The following PRICKLE1 variants were observed in gnomAD, a reference collection of about 807,000 sequenced individuals.
PRICKLE1 encodes the protein prickle planar cell polarity protein 1, also known as prickle-like protein 1.
Under a neutral mutation model 70.2 loss-of-function variants are expected in PRICKLE1, and 14 were observed. The ratio of observed to expected loss-of-function variants is 0.20; its 90% confidence interval spans 0.13 to 0.31. The LOEUF is 0.31. Among genes scored for constraint, PRICKLE1 ranks in the 10% least tolerant of loss-of-function variants. PRICKLE1 has a pLI of 1.00. For synonymous variants in PRICKLE1, 357 were observed against 379.9 expected (o/e 0.94, Z 0.70); for missense variants, 821 against 1,026.2 (o/e 0.80, Z 2.73).
chr12:42,470,452 G>T (rs777653709), intron 2 of PRICKLE1, 93 bp from the exon 3 acceptor site: 12 of 891,348 alleles, frequency 1.3e-5, no homozygotes, highest in Non-Finnish European at 2.0e-5. Flanking sequence ...TAGGTACAGG[G>T]TTTGGCCTCT....
intron 1 of PRICKLE1, among the ~76,000 whole-genome samples, chr12:42,537,509 A>C (rs1266526078): frequency 1.3e-5 from 2 of 152,156 alleles, no homozygotes; most frequent in South Asian, 4.2e-4. Context: ...ACAAAAACCC[A>C]AACCAAACAA....
intron 1 of PRICKLE1, among the ~76,000 whole-genome samples, chr12:42,496,521 A>G (rs73275845): frequency 0.053 from 8,128 of 152,242 alleles, 625 homozygotes; most frequent in African/African-American, 0.17. Flanking sequence ...GTGAGGCATC[A>G]ACTTCTCCTC....
At chr12:42,562,263 T>A (rs970882977) in intron 1 of PRICKLE1, among the ~76,000 whole-genome samples, 2 of 152,088 alleles carry the variant, frequency 1.3e-5, no homozygotes, top group Non-Finnish European at 2.9e-5. Context: ...GTTTGTGCAG[T>A]AGAAAATTAA....
At chr12:42,505,054 ACT>A (rs1264694240) in intron 1 of PRICKLE1, among the ~76,000 whole-genome samples, 1 of 152,140 alleles carries the variant, frequency 6.6e-6, no homozygotes, top group East Asian at 1.9e-4. Flanking sequence ...CAGGAGAATC[ACT>A]TGAACCCAGG....
chr12:42,551,342 C>G (rs1266802357), intron 1 of PRICKLE1, among the ~76,000 whole-genome samples: 1 of 152,152 alleles, frequency 6.6e-6, no homozygotes, highest in East Asian at 1.9e-4. Flanking sequence ...GGGTCTGATA[C>G]CTGTGTGTAG....
chr12:42,465,098 G>T lies in PRICKLE1; in HGVS notation c.936C>A (p.Val312=). 1 of 1,565,184 alleles carries T rather than the reference G, an allele frequency of 6.4e-7. No individual in the cohort carries two copies. The highest frequency in any genetic ancestry group is 8.6e-7 in the Non-Finnish European group (1 of 1,159,902). ...CSKTCSLGED[V]HASDSSDSAF... ...CAGAGTCGGAAGAATCAGAGGCATG[G>T]ACGTCTTCACCAAGACTGCACGTTT... Residue 312 remains valine (V), a synonymous_variant, in exon 7 of 8, where the codon GTC becomes GTA. Coordinates refer to ENST00000345127, the MANE Select transcript of PRICKLE1 (RefSeq NM_153026.3).
Position 42,471,719 on chromosome 12 carries a change from C to T in PRICKLE1, c.132+666G>A, listed in dbSNP as rs185306213. ...TTTATTTTCAAATGATGCCTCTGCTCTTTTAATAATATCGCCAGTGATTTT... is the reference window on the plus strand; with the variant it reads ...TTTATTTTCAAATGATGCCTCTGCTTTTTTAATAATATCGCCAGTGATTTT... On this transcript the variant is annotated intron_variant, in intron 2 of 7. Transcript: ENST00000345127. 3.3e-3 allele frequency among the ~76,000 whole-genome samples: 504 copies of T among 152,300 alleles called. 3 individuals carry two copies. Among genetic ancestry groups the T allele is most frequent in the Non-Finnish European group, 5.7e-3 (388 of 68,036 alleles).
At chr12:42,512,231 C>T (rs118149026) in intron 1 of PRICKLE1, among the ~76,000 whole-genome samples, 1,799 of 151,930 alleles carry the variant, frequency 0.012, 15 homozygotes, top group Non-Finnish European at 0.019. Context: ...AGTGCAGTGG[C>T]GTGATCTTAG....
chr12:42,542,626 G>A (rs1940137920), intron 1 of PRICKLE1, among the ~76,000 whole-genome samples: 1 of 152,154 alleles, frequency 6.6e-6, no homozygotes, highest in African/African-American at 2.4e-5. Context: ...ACTCCAGTCT[G>A]GGCAACAGAG....
rs147382664 is a variant in PRICKLE1, at chr12:42,481,978, T to C, written c.-48-9414A>G. Among the ~76,000 whole-genome samples the C allele has an allele frequency of 1.3e-4, 20 of 152,390 alleles. No individual in the cohort carries two copies. The East Asian group carries it at 3.9e-3, about 29-fold the overall frequency. ...AACATAATGAAGTTATCAGGAGATA[T>C]TGTTTATGAAACATTCCTTTACTAA... On this transcript the variant is annotated intron_variant, in intron 1 of 7. Coordinates refer to ENST00000345127, the MANE Select transcript of PRICKLE1 (RefSeq NM_153026.3).
At chr12:42,558,562 T>A (rs2120689327) in intron 1 of PRICKLE1, among the ~76,000 whole-genome samples, 1 of 152,228 alleles carries the variant, frequency 6.6e-6, no homozygotes, top group Admixed American at 6.5e-5. Context: ...CTTGCCTGGG[T>A]CCCCCAGCTG....
chr12:42,469,164 T>C (rs1593112331), intron 4 of PRICKLE1, among the ~76,000 whole-genome samples: 1 of 152,152 alleles, frequency 6.6e-6, no homozygotes, highest in Non-Finnish European at 1.5e-5. Context: ...ATCTTTTGAA[T>C]ACGAGATGTA....
In PRICKLE1 at chr12:42,464,439, C is replaced by T. The variant is rs778765052; in HGVS notation, c.1595G>A (p.Ser532Asn). Residue 532 changes from serine (S) to asparagine (N), a missense_variant, in exon 7 of 8, where the codon AGT becomes AAT. Coordinates refer to ENST00000345127, the MANE Select transcript of PRICKLE1 (RefSeq NM_153026.3). The surrounding 1 kb of genome is among the most constrained non-coding windows in gnomAD (Gnocchi z 4.2). ...ECLSDLKPEQ[S>N]VRDSMDSLAL... ...CAAAGAATCCATCGAATCCCGAACA[C>T]TTTGCTCTGGTTTCAGGTCTGACAG... is the stretch of plus-strand genomic sequence containing the variant. The T allele has an allele frequency of 1.9e-5, 30 of 1,614,088 alleles. No homozygotes were observed. The highest frequency in any genetic ancestry group is 2.5e-5 in the Non-Finnish European group (29 of 1,180,014).
chr12:42,510,369 C>T (rs1939490583), intron 1 of PRICKLE1, among the ~76,000 whole-genome samples: 1 of 151,964 alleles, frequency 6.6e-6, no homozygotes, highest in African/African-American at 2.4e-5. Flanking sequence ...GCTGGGATTA[C>T]AGGTGTGAGC....
chr12:42,459,855 G>C lies in PRICKLE1; in HGVS notation c.2450C>G (p.Ser817Cys). The change falls in exon 8 of 8, where the codon TCC (serine) becomes TGC (cysteine). Residue 817 changes from serine to cysteine, a missense_variant. Transcript: ENST00000345127. ...GCCCTTGTGTCCCTTTTTCTTCTTG[G>C]ATTTTGTTGTCCTCTGACCAAACTG... is the stretch of plus-strand genomic sequence containing the variant. The part of the protein sequence containing the change: ...TPQFGQRTTK[S>C]KKKKGHKGKN... The C allele has an allele frequency of 1.2e-6, 2 of 1,614,102 alleles. No homozygotes were observed. The highest frequency in any genetic ancestry group is 1.7e-6 in the Non-Finnish European group (2 of 1,180,012).
chr12:42,558,237 T>C (rs1940445682), intron 1 of PRICKLE1, among the ~76,000 whole-genome samples: 1 of 152,218 alleles, frequency 6.6e-6, no homozygotes, highest in African/African-American at 2.4e-5. Flanking sequence ...ATAAGAAATA[T>C]AAAAGATTTT....
At chr12:42,586,055 A>G (rs1940982628) in intron 1 of PRICKLE1, among the ~76,000 whole-genome samples, 1 of 152,188 alleles carries the variant, frequency 6.6e-6, no homozygotes. Flanking sequence ...AACCTTCTAA[A>G]GATATTATTG....
At chr12:42,554,070 C>T (rs1234807622) in intron 1 of PRICKLE1, among the ~76,000 whole-genome samples, 1 of 152,218 alleles carries the variant, frequency 6.6e-6, no homozygotes, top group Admixed American at 6.5e-5. Context: ...CACCATTGCA[C>T]TCCAGCCTGG....
chr12:42,523,047 C>T (rs1195806497), intron 1 of PRICKLE1, among the ~76,000 whole-genome samples: 2 of 151,926 alleles, frequency 1.3e-5, no homozygotes, highest in Non-Finnish European at 2.9e-5. Context: ...CTGCAACCAC[C>T]GCCTCCTGGG....
Sources: allele counts gnomAD v4.1 joint callset (sites outside exome capture counted in the v4.1 genomes callset), GRCh38; gene constraint gnomAD v4.1.1; non-coding constraint Gnocchi (gnomAD v3.1); transcripts MANE v1.5; gene names NCBI Gene and HGNC (gene_info 2026-07-23, HGNC 2026-07-21).